Variants in CCPG1 observed in about 807,000 individuals in gnomAD.
The protein encoded by CCPG1 is cell cycle progression protein 1.
Under a neutral mutation model 81.3 loss-of-function variants are expected in CCPG1, and 46 were observed. That is an observed-to-expected ratio of 0.57 (90% CI 0.45 to 0.72). CCPG1 has a LOEUF of 0.72. Ranked by LOEUF, CCPG1 falls within the 30% of genes least tolerant of loss-of-function variation. The probability of loss-of-function intolerance (pLI) is 0.00; values close to 1 mark genes in which losing one functional copy is unlikely to be tolerated. For synonymous variants in CCPG1, 330 were observed against 305.2 expected, an observed-to-expected ratio of 1.08 and a Z score of -0.85; for missense variants, 902 against 937.6, an observed-to-expected ratio of 0.96 and a Z score of 0.50.
intron 1 of CCPG1, among the ~76,000 whole-genome samples, chr15:55,398,450 G>A (rs914763618): frequency 2.6e-5 from 4 of 152,164 alleles, no homozygotes; most frequent in African/African-American, 9.7e-5. Flanking sequence ...TCAGTCTGGA[G>A]TGCTTTCAAG....
intron 1 of CCPG1, among the ~76,000 whole-genome samples, chr15:55,401,237 T>C (rs1232969666): frequency 2.6e-5 from 4 of 152,226 alleles, no homozygotes; most frequent in Admixed American, 1.3e-4. Flanking sequence ...CACACATTTA[T>C]TAATCCATTT....
chr15:55,357,613 G>A (rs896827948), intron 8 of CCPG1: 1 of 168,324 alleles, frequency 5.9e-6, no homozygotes, highest in African/African-American at 2.4e-5. Flanking sequence ...ACTTTGGGAG[G>A]TAGACATGTG....
rs1459048396 is a variant in CCPG1 at position 55,377,014 on chromosome 15, C to T, written c.389G>A (p.Ser130Asn). 2.5e-6 allele frequency: 4 copies of T among 1,613,900 alleles called. No individual in the cohort carries two copies. Among genetic ancestry groups the T allele is most frequent in the South Asian group, 1.1e-5 (1 of 91,082 alleles). Residue 130 changes from serine (S) to asparagine (N), a missense_variant, in exon 5 of 9, where the codon AGT becomes AAT. Ser to Asn is a conservative substitution (Grantham distance 46). Transcript: ENST00000442196. Reference protein sequence around the residue: ...QEVVIVEEAQSSEDFNMGSSS... With the variant: ...QEVVIVEEAQNSEDFNMGSSS... ...AGAGCCCATGTTAAAGTCTTCTGAA[C>T]TCTGTGCTTCTTCAACAATGACAAC...
At position 55,377,096 on chromosome 15, in the gene CCPG1, C is replaced by A; in HGVS notation, c.307G>T (p.Asp103Tyr). The A allele has an allele frequency of 6.2e-7, 1 of 1,613,794 alleles. No individual in the cohort carries two copies. The highest frequency in any genetic ancestry group is 8.5e-7 in the Non-Finnish European group (1 of 1,179,756). Residue 103 changes from aspartate to tyrosine, a missense_variant, in exon 5 of 9, where the codon GAT becomes TAT. By Grantham distance (160) the Asp-to-Tyr change is radical. This residue lies in a region of CCPG1 where 746 missense variants were observed against 728.6 expected (regional missense o/e 1.02). Transcript: ENST00000442196. ...GGCTCAAGGGTAACAATATCAGAAT[C>A]ATCACTGGCAGTTCCAATATAGATA... The part of the protein sequence containing the change: ...DSIYIGTASD[D>Y]SDIVTLEPPK...
intron 7 of CCPG1, among the ~76,000 whole-genome samples, chr15:55,361,982 T>C (rs946643181): frequency 1.5e-4 from 23 of 152,172 alleles, no homozygotes; most frequent in Admixed American, 5.2e-4. Flanking sequence ...TCTGTACAGA[T>C]TAATATAACT....
At chr15:55,388,656 T>A (rs1281681371) in intron 2 of CCPG1, among the ~76,000 whole-genome samples, 1 of 152,176 alleles carries the variant, frequency 6.6e-6, no homozygotes, top group Admixed American at 6.6e-5. Flanking sequence ...TCCCAGCTAC[T>A]TGGGAGGATC....
intron 4 of CCPG1, among the ~76,000 whole-genome samples, 200 bp from the exon 5 acceptor site, chr15:55,377,350 G>C (rs958193606): frequency 2.6e-5 from 4 of 152,170 alleles, no homozygotes; most frequent in Non-Finnish European, 4.4e-5. Context: ...ACAACTCTCA[G>C]AATTAGATCA....
chr15:55,381,316 C>T (rs921708207), intron 3 of CCPG1, among the ~76,000 whole-genome samples: 1 of 151,416 alleles, frequency 6.6e-6, no homozygotes, highest in Non-Finnish European at 1.5e-5. Context: ...TAGTGGCAGG[C>T]ACCTGTAATC....
chr15:55,369,698 A>T (rs1327045124), intron 6 of CCPG1, among the ~76,000 whole-genome samples: 2 of 152,248 alleles, frequency 1.3e-5, no homozygotes, highest in Non-Finnish European at 2.9e-5. Context: ...GTAAAGGACA[A>T]TGTTTTATTA....
chr15:55,393,412 C>G (rs2056960519), intron 1 of CCPG1, among the ~76,000 whole-genome samples: 1 of 152,148 alleles, frequency 6.6e-6, no homozygotes, highest in African/African-American at 2.4e-5. Flanking sequence ...TGCACTCCAG[C>G]CTGGGTAACA....
chr15:55,391,756 T>G (rs1355076569), intron 1 of CCPG1, among the ~76,000 whole-genome samples: 2 of 151,814 alleles, frequency 1.3e-5, no homozygotes, highest in Non-Finnish European at 2.9e-5. Context: ...CCTGGGAGAC[T>G]GAGGAAGGAA....
At chr15:55,401,947 C>T (rs1300666473) in intron 1 of CCPG1, among the ~76,000 whole-genome samples, 2 of 152,148 alleles carry the variant, frequency 1.3e-5, no homozygotes, top group African/African-American at 4.8e-5. Flanking sequence ...ACAAAATGGA[C>T]AACCCTAACT....
intron 7 of CCPG1, among the ~76,000 whole-genome samples, chr15:55,362,419 G>A (rs964867469): frequency 6.6e-6 from 1 of 151,802 alleles, no homozygotes; most frequent in Non-Finnish European, 1.5e-5. Flanking sequence ...ACTGCTTCAC[G>A]TTCTGGCTCA....
In CCPG1 at chr15:55,356,157, A is replaced by T. The variant is rs545262229; in HGVS notation, c.*63T>A. On this transcript the variant is annotated 3_prime_UTR_variant, in exon 9 of 9. Transcript: ENST00000442196. Reference sequence around the variant, plus strand: ...TCTTGGTAATTTCATTAGTTTCAATACCAAACATTATACAAAGCATAAATT... The same window carrying T: ...TCTTGGTAATTTCATTAGTTTCAATTCCAAACATTATACAAAGCATAAATT... The T allele has an allele frequency of 5.2e-5, 65 of 1,239,710 alleles. No homozygotes were observed. In the South Asian group the frequency reaches 9.3e-4, roughly 18 times the overall value. 76.8% of individuals were successfully genotyped at this position (1,239,710 alleles called of 1,614,324 possible). A position where few individuals can be genotyped will look rare whatever the true frequency, so the allele number is the denominator to read the frequency against.
chr15:55,371,528 C>T (rs1488637296), intron 6 of CCPG1, among the ~76,000 whole-genome samples: 2 of 152,084 alleles, frequency 1.3e-5, no homozygotes, highest in Admixed American at 6.6e-5. Context: ...TTTAATCTTC[C>T]AATCTTTTAA....
intron 6 of CCPG1, among the ~76,000 whole-genome samples, chr15:55,370,825 A>G (rs1624851): frequency 0.52 from 77,157 of 148,808 alleles, 20,828 homozygotes; most frequent in African/African-American, 0.65. Context: ...GCATTGAGCC[A>G]AGGTCGCACC....
intron 7 of CCPG1, among the ~76,000 whole-genome samples, chr15:55,362,331 A>G: frequency 6.6e-6 from 1 of 151,460 alleles, no homozygotes; most frequent in South Asian, 2.1e-4. Flanking sequence ...AAATAAGAAA[A>G]AAAAAAAAGG....
Position 55,396,528 on chromosome 15 carries a change from T to G in CCPG1, c.-9-7095A>C, listed in dbSNP as rs2057020271. On this transcript the variant is annotated intron_variant, in intron 1 of 8. Coordinates refer to ENST00000442196, the MANE Select transcript of CCPG1 (RefSeq NM_001204450.2). ...ACTGAAATCATCTTCCTGCTGCTCC[T>G]ATTTCTGCTAACTCACAGAATTGCA... Among the ~76,000 whole-genome samples the G allele has an allele frequency of 1.3e-5, 2 of 152,192 alleles. 1 individual carries two copies. The highest frequency in any genetic ancestry group is 4.1e-4 in the South Asian group (2 of 4,828).
At chr15:55,376,918 G>C (rs762854868) in intron 5 of CCPG1, 31 bp downstream of exon 5, 2 of 1,507,166 alleles carry the variant, frequency 1.3e-6, no homozygotes. Flanking sequence ...GGTCGTACAT[G>C]TCTTTAAGTC....
Sources: allele counts gnomAD v4.1 joint callset (sites outside exome capture counted in the v4.1 genomes callset), GRCh38; gene constraint gnomAD v4.1.1; regional missense constraint gnomAD v4.1.1; transcripts MANE v1.5; gene names NCBI Gene and HGNC (gene_info 2026-07-23, HGNC 2026-07-21).